HLA-DPA1: variants seen among roughly 807,000 people sequenced by gnomAD.
The protein encoded by HLA-DPA1 is major histocompatibility complex, class II, DP alpha 1.
HLA-DPA1 carries 20 observed loss-of-function variants against 21.5 expected under a neutral mutation model. The ratio of observed to expected loss-of-function variants is 0.93; its 90% confidence interval spans 0.66 to 1.35. The LOEUF is 1.35. Among genes scored for constraint, HLA-DPA1 ranks in the 40% most tolerant of loss-of-function variants. The pLI is 0.00. For missense variants in HLA-DPA1, 279 were observed against 323.0 expected, an observed-to-expected ratio of 0.86 and a Z score of 1.05; for synonymous variants, 123 against 129.6, an observed-to-expected ratio of 0.95 and a Z score of 0.35.
At chr6:33,068,306 A>C in intron 5 of HLA-DPA1, 1 of 215,500 alleles carries the variant, frequency 4.6e-6, no homozygotes, top group Non-Finnish European at 9.1e-6. Context: ...CTGGATTGGA[A>C]GCTAGCCCTA....
At chr6:33,069,581 G>A in intron 3 of HLA-DPA1, 60 bp downstream of exon 2, 4 of 1,593,842 alleles carry the variant, frequency 2.5e-6, no homozygotes, top group Non-Finnish European at 3.4e-6. Flanking sequence ...GAGGGTGGCA[G>A]AGAGGCCCTC....
At chr6:33,076,895 C>T (rs530688293) in intron 1 of HLA-DPA1, among the ~76,000 whole-genome samples, 1 of 152,080 alleles carries the variant, frequency 6.6e-6, no homozygotes, top group African/African-American at 2.4e-5. Flanking sequence ...CATTGTTTTT[C>T]TCTCAGGATA....
intron 5 of HLA-DPA1, chr6:33,066,956 T>C (rs1761987472): frequency 6.6e-6 from 1 of 152,202 alleles, no homozygotes; most frequent in Non-Finnish European, 1.5e-5. Context: ...ATTAGAGTAC[T>C]GACAAAGGAA....
chr6:33,072,812 A>G (rs1762343537), intron 2 of HLA-DPA1, among the ~76,000 whole-genome samples: 1 of 152,212 alleles, frequency 6.6e-6, no homozygotes, highest in African/African-American at 2.4e-5. Flanking sequence ...CCTCCCTTGC[A>G]GTCCTGAATC....
chr6:33,068,907 T>C, intron 4 of HLA-DPA1, 103 bp from the exon 4 acceptor site: 1 of 1,538,658 alleles, frequency 6.5e-7, no homozygotes, highest in Non-Finnish European at 8.9e-7. Flanking sequence ...AATTGGATGT[T>C]AGGACGAGGA....
intron 1 of HLA-DPA1, among the ~76,000 whole-genome samples, chr6:33,078,512 T>TG (rs1762671491): frequency 6.6e-6 from 1 of 152,182 alleles, no homozygotes; most frequent in Admixed American, 6.5e-5. Context: ...TAGAGGTTTT[T>TG]AATATATCCT....
chr6:33,067,227 CA>C (rs1762002746), intron 5 of HLA-DPA1: 1 of 152,166 alleles, frequency 6.6e-6, no homozygotes, highest in Non-Finnish European at 1.5e-5. Flanking sequence ...TTCCAAGTCT[CA>C]TGTTGAAAAT....
chr6:33,080,525 A>T lies in HLA-DPA1; in HGVS notation c.-100+155T>A. 1 of 1,185,804 alleles carries T rather than the reference A, an allele frequency of 8.4e-7. No homozygotes were observed. The highest frequency in any genetic ancestry group is 1.2e-6 in the Non-Finnish European group (1 of 814,016). The allele number at this position is 1,185,804 out of a possible 1,614,324, so 73.5% of individuals were successfully genotyped here. On this transcript the variant is annotated intron_variant, in intron 1 of 5. Coordinates refer to ENST00000419277, the Ensembl canonical transcript of HLA-DPA1. The surrounding 1 kb of genome is among the most constrained non-coding windows in gnomAD (Gnocchi z 4.3). ...GAGGCTCTGCGACCCGCTTAGGACC[A>T]CAGAACTCGGTACTAGGAAAACTCC...
At position 33,068,448 on chromosome 6, in the gene HLA-DPA1, G is replaced by A. The variant is rs943016548; in HGVS notation, c.*12+190C>T. On this transcript the variant is annotated intron_variant, in intron 5 of 5. Coordinates refer to ENST00000419277, the Ensembl canonical transcript of HLA-DPA1. Reference sequence around the variant, plus strand: ...CAAAGACTATGTGTGAGAATAAAGTGAGTTAATAAATGTAAATCCTCAGAA... The same window carrying A: ...CAAAGACTATGTGTGAGAATAAAGTAAGTTAATAAATGTAAATCCTCAGAA... 9.6e-6 allele frequency: 5 copies of A among 522,462 alleles called. No homozygotes were observed. In the African/African-American group the frequency reaches 9.8e-5, roughly 10 times the overall value. 32.4% of individuals were successfully genotyped at this position (522,462 alleles called of 1,614,324 possible). A position where few individuals can be genotyped will look rare whatever the true frequency, so the allele number is the denominator to read the frequency against.
At chr6:33,069,369 G>C in intron 3 of HLA-DPA1, 69 bp from the exon 3 acceptor site, 1 of 1,470,056 alleles carries the variant, frequency 6.8e-7, no homozygotes, top group Admixed American at 1.8e-5. Context: ...CCTCTTAGGG[G>C]AGGGTGGTCC....
intron 2 of HLA-DPA1, 64 bp downstream of exon 1, chr6:33,073,407 C>T: frequency 1.0e-6 from 1 of 983,680 alleles, no homozygotes; most frequent in Non-Finnish European, 1.6e-6. Flanking sequence ...ATCCCTGAAG[C>T]AGCAATTGAT....
At chr6:33,074,591 A>G (rs9469344) in intron 1 of HLA-DPA1, among the ~76,000 whole-genome samples, 29,397 of 152,218 alleles carry the variant, frequency 0.19, 3,468 homozygotes, top group African/African-American at 0.32. Flanking sequence ...AAGTACATAT[A>G]TTACGTTAAT....
intron 1 of HLA-DPA1, among the ~76,000 whole-genome samples, chr6:33,074,995 A>AT (rs1191430248): frequency 6.6e-6 from 1 of 152,000 alleles, no homozygotes; most frequent in Non-Finnish European, 1.5e-5. Flanking sequence ...TGCCAATTTG[A>AT]TTTTTTTTGA....
intron 2 of HLA-DPA1, among the ~76,000 whole-genome samples, chr6:33,072,556 G>A (rs1486087331): frequency 6.6e-6 from 1 of 152,074 alleles, no homozygotes; most frequent in Non-Finnish European, 1.5e-5. Context: ...CCGCGAACAG[G>A]GCAATAGATA....
At chr6:33,069,669 C>T (rs2150359480) in exon 3 of HLA-DPA1, 1 of 1,612,546 alleles carries the variant, frequency 6.2e-7, no homozygotes, top group African/African-American at 1.3e-5. Context: ...GGTTGGAACG[C>T]TGGATCAAGG....
At chr6:33,075,994 C>T (rs1290535779) in intron 1 of HLA-DPA1, 1 of 1,446,260 alleles carries the variant, frequency 6.9e-7, no homozygotes, top group Admixed American at 1.9e-5. Context: ...GCGAGTCCTT[C>T]TTTTCCTGAC....
chr6:33,068,922 A>T, intron 4 of HLA-DPA1, 97 bp downstream of exon 3: 1 of 1,536,556 alleles, frequency 6.5e-7, no homozygotes, highest in Non-Finnish European at 8.9e-7. Context: ...CGAGGAGAGG[A>T]CTGAGACCCA....
chr6:33,073,657 T>C lies in HLA-DPA1; in HGVS notation c.-87A>G. 1.1e-6 allele frequency: 1 copy of C among 895,312 alleles called. No individual in the cohort carries two copies. Among genetic ancestry groups the C allele is most frequent in the Non-Finnish European group, 1.9e-6 (1 of 539,970 alleles). The allele number at this position is 895,312 out of a possible 1,614,324, so 55.5% of individuals were successfully genotyped here. ...GTGGAGGCAGATGAGACTGAAACTG[T>C]GGGCCTCTAGCACTGGAAATGGGTG... is the stretch of plus-strand genomic sequence containing the variant. On this transcript the variant is annotated 5_prime_UTR_variant, in exon 2 of 6. Coordinates refer to ENST00000419277, the Ensembl canonical transcript of HLA-DPA1.
intron 1 of HLA-DPA1, among the ~76,000 whole-genome samples, chr6:33,078,757 T>C (rs576675442): frequency 8.0e-4 from 122 of 152,226 alleles, no homozygotes; most frequent in Non-Finnish European, 1.5e-3. Flanking sequence ...TTAAAAAAAT[T>C]AAATGTTGCA....
Sources: allele counts gnomAD v4.1 joint callset (sites outside exome capture counted in the v4.1 genomes callset), GRCh38; gene constraint gnomAD v4.1.1; non-coding constraint Gnocchi (gnomAD v3.1); transcripts MANE v1.5; gene names NCBI Gene and HGNC (gene_info 2026-07-23, HGNC 2026-07-21).